The following ATF6 variants were observed in gnomAD, a reference collection of about 807,000 sequenced individuals.
The protein encoded by ATF6 is activating transcription factor 6.
In ATF6, 53 loss-of-function variants were observed where a neutral mutation model predicts 83.6. That is an observed-to-expected ratio of 0.63 (90% CI 0.51 to 0.80). The LOEUF (loss-of-function observed/expected upper bound fraction) is 0.80. Among genes scored for constraint, ATF6 ranks in the 30% least tolerant of loss-of-function variants. The pLI, the probability that ATF6 is intolerant of heterozygous loss-of-function variation, is 0.00. For missense variants in ATF6, 744 were observed against 797.9 expected, an observed-to-expected ratio of 0.93 and a Z score of 0.81; for synonymous variants, 288 against 285.8, an observed-to-expected ratio of 1.01 and a Z score of -0.08.
intron 7 of ATF6, among the ~76,000 whole-genome samples, chr1:161,809,819 G>T (rs950335393): frequency 3.3e-5 from 5 of 152,146 alleles, no homozygotes; most frequent in East Asian, 3.8e-4. Context: ...TCATGTGTCT[G>T]TTGGCTGCAT....
At chr1:161,939,334 ATTT>A (rs1688599436) in intron 15 of ATF6, among the ~76,000 whole-genome samples, 1 of 152,158 alleles carries the variant, frequency 6.6e-6, no homozygotes, top group Non-Finnish European at 1.5e-5. Flanking sequence ...TTATATATGT[ATTT>A]TAAGTTCTAG....
intron 15 of ATF6, among the ~76,000 whole-genome samples, chr1:161,955,723 G>A (rs1171327300): frequency 4.6e-5 from 7 of 152,184 alleles, no homozygotes; most frequent in African/African-American, 7.2e-5. Flanking sequence ...CTAATGGCAT[G>A]TTACCCCAAA....
intron 1 of ATF6, among the ~76,000 whole-genome samples, chr1:161,767,707 C>T (rs933645347): frequency 1.4e-4 from 22 of 152,228 alleles, no homozygotes; most frequent in African/African-American, 5.1e-4. Context: ...GTACCCCTAG[C>T]ATCTATTCTA....
intron 14 of ATF6, among the ~76,000 whole-genome samples, chr1:161,875,474 A>G (rs894389164): frequency 2.0e-5 from 3 of 151,860 alleles, no homozygotes; most frequent in Admixed American, 2.0e-4. Flanking sequence ...ATGTATTAAA[A>G]TGTCACATTC....
intron 9 of ATF6, among the ~76,000 whole-genome samples, chr1:161,846,168 T>C (rs576583690): frequency 1.5e-4 from 23 of 152,350 alleles, no homozygotes; most frequent in South Asian, 4.1e-4. Flanking sequence ...TATATACATG[T>C]AATTATCAAG....
chr1:161,820,134 A>T (rs1685716547), intron 8 of ATF6, among the ~76,000 whole-genome samples: 1 of 148,090 alleles, frequency 6.8e-6, no homozygotes. Flanking sequence ...TTCCCTTTTA[A>T]AAAAGAAAAC....
chr1:161,844,273 C>G (rs1686426436), intron 9 of ATF6, among the ~76,000 whole-genome samples: 1 of 152,064 alleles, frequency 6.6e-6, no homozygotes, highest in Non-Finnish European at 1.5e-5. Flanking sequence ...TCAGACTATG[C>G]TGTAAAGAGG....
intron 14 of ATF6, among the ~76,000 whole-genome samples, chr1:161,869,065 T>TA (rs1358081863): frequency 1.3e-5 from 2 of 149,474 alleles, no homozygotes; most frequent in African/African-American, 4.9e-5. Context: ...CTGTAGGAAA[T>TA]ACTGTGATTA....
intron 15 of ATF6, 144 bp from the exon 16 acceptor site, chr1:161,958,302 G>A: frequency 1.4e-6 from 1 of 707,326 alleles, no homozygotes; most frequent in East Asian, 3.1e-5. Context: ...TCTGCTTACT[G>A]ACTGAGAGTC....
intron 14 of ATF6, among the ~76,000 whole-genome samples, chr1:161,881,238 G>A (rs1215509838): frequency 6.6e-6 from 1 of 152,106 alleles, no homozygotes; most frequent in East Asian, 1.9e-4. Context: ...TTCTACTCCA[G>A]GGTTTCATCT....
At chr1:161,894,309 A>G (rs1304711425) in intron 14 of ATF6, among the ~76,000 whole-genome samples, 1 of 151,496 alleles carries the variant, frequency 6.6e-6, no homozygotes, top group African/African-American at 2.4e-5. Flanking sequence ...TAAAACTAAA[A>G]CATGAAGACC....
intron 1 of ATF6, among the ~76,000 whole-genome samples, chr1:161,774,584 C>G (rs1172442451): frequency 1.3e-5 from 2 of 152,170 alleles, no homozygotes; most frequent in African/African-American, 4.8e-5. Context: ...CAATTTCTCT[C>G]TTTCTCCCTT....
At chr1:161,792,437 C>A in intron 6 of ATF6, 110 bp downstream of exon 6, 2 of 1,076,742 alleles carry the variant, frequency 1.9e-6, no homozygotes, top group Non-Finnish European at 2.7e-6. Flanking sequence ...TGCTGTTTGT[C>A]AGGAATGTCT....
chr1:161,770,663 A>G (rs1684362901), intron 1 of ATF6, among the ~76,000 whole-genome samples: 1 of 152,222 alleles, frequency 6.6e-6, no homozygotes, highest in Non-Finnish European at 1.5e-5. Context: ...TTAGGGCTTC[A>G]ACATACGAAT....
intron 3 of ATF6, among the ~76,000 whole-genome samples, chr1:161,782,684 C>T (rs1181158522): frequency 6.6e-6 from 1 of 152,226 alleles, no homozygotes; most frequent in Non-Finnish European, 1.5e-5. Flanking sequence ...AAATTCCTCT[C>T]TACCTCTGCA....
At chr1:161,766,779 G>A (rs554881351) in intron 1 of ATF6, among the ~76,000 whole-genome samples, 37 of 152,364 alleles carry the variant, frequency 2.4e-4, no homozygotes, top group African/African-American at 8.9e-4. Flanking sequence ...AAGGCTACAA[G>A]CTATTTCCTG....
chr1:161,812,371 CTTTTTTTTTTTTT>C (rs869240831), intron 7 of ATF6, among the ~76,000 whole-genome samples: 207 of 34,388 alleles, frequency 6.0e-3, no homozygotes, highest in African/African-American at 0.019. Context: ...CAGGTATTTT[CTTTTTTTTTTTTT>C]TTTTTTTTTT....
At chr1:161,932,966 G>A (rs1034051854) in intron 15 of ATF6, among the ~76,000 whole-genome samples, 3 of 152,162 alleles carry the variant, frequency 2.0e-5, no homozygotes, top group African/African-American at 7.2e-5. Flanking sequence ...ATGGCCTCTG[G>A]CTCTGTCACA....
intron 15 of ATF6, among the ~76,000 whole-genome samples, chr1:161,946,171 T>C (rs1161154714): frequency 1.3e-5 from 2 of 152,226 alleles, no homozygotes; most frequent in South Asian, 2.1e-4. Flanking sequence ...ATTTTTGTAT[T>C]TTTCATAGAG....
Sources: gnomAD v4.1 joint callset for allele counts (sites outside exome capture counted in the v4.1 genomes callset) on GRCh38, gnomAD v4.1.1 for gene constraint, MANE v1.5 for transcripts, NCBI Gene and HGNC (gene_info 2026-07-23, HGNC 2026-07-21) for gene names.